Variants in HMGB1 observed in about 807,000 individuals in gnomAD.
HMGB1 encodes the protein high mobility group box 1.
For synonymous variants in HMGB1, 81 were observed against 84.0 expected, an observed-to-expected ratio of 0.96 and a Z score of 0.19; for missense variants, 79 against 253.5, an observed-to-expected ratio of 0.31 and a Z score of 4.67.
In HMGB1 at chr13:30,463,538, C is replaced by T. The variant is rs1428565872; in HGVS notation, c.143G>A (p.Arg48Lys). ...FSEFSKKCSE[R>K]WKTMSAKEKG... ...TGTTTTAAGCCCTCTTACCTTCCAC[C>T]TCTCTGAGCACTTCTTAGAAAACTC... The change falls in exon 2 of 5, where the codon AGG becomes AAG. Residue 48 changes from arginine to lysine, a missense_variant. Physicochemically the swap from Arg to Lys is conservative, Grantham distance 26. Transcript: ENST00000341423. The T allele has an allele frequency of 6.2e-7, 1 of 1,611,612 alleles. No individual in the cohort carries two copies. The highest frequency in any genetic ancestry group is 8.5e-7 in the Non-Finnish European group (1 of 1,179,210).
chr13:30,559,902 A>G lies in HMGB1; in HGVS notation c.-15+56769T>C, dbSNP rs187934494. Among the ~76,000 whole-genome samples the G allele has an allele frequency of 1.3e-5, 2 of 152,308 alleles. No individual in the cohort carries two copies. On this transcript the variant is annotated intron_variant, in intron 1 of 4. Transcript: ENST00000405805. This position sits in a 1 kb window ranked among gnomAD's most constrained non-coding sequence, Gnocchi z 6.6. ...ATGCATTCATTCACCAAAATCTCAT[A>G]TTCCCAAAAAGCAGGAAAGGTAGTA...
chr13:30,506,246 C>T (rs1466762728), intron 1 of HMGB1, among the ~76,000 whole-genome samples: 3 of 152,028 alleles, frequency 2.0e-5, no homozygotes, highest in Non-Finnish European at 2.9e-5. Flanking sequence ...GCAGGGGTGG[C>T]GTCTTGGGTG....
At chr13:30,590,233 C>G (rs1323900) in intron 1 of HMGB1, among the ~76,000 whole-genome samples, 70,705 of 151,896 alleles carry the variant, frequency 0.47, 18,813 homozygotes, top group African/African-American at 0.73. Context: ...AATATAGCTA[C>G]GACAACCGAG....
At position 30,588,915 on chromosome 13, in the gene HMGB1, TA is replaced by T. The variant is rs552073771; in HGVS notation, c.-15+27755del. Among the ~76,000 whole-genome samples the T allele has an allele frequency of 5.5e-3, 819 of 150,212 alleles. 6 individuals are homozygous for T. Among genetic ancestry groups the T allele is most frequent in the African/African-American group, 0.018 (718 of 40,962 alleles). On this transcript the variant is annotated intron_variant, in intron 1 of 4. Coordinates refer to the HMGB1 transcript ENST00000405805. Reference sequence around the variant, plus strand: ...CTGGGTGACAGAGCAAGCCTCTGTTTAAAAAAAAACGGTAAAAATAAATAAC... The same window carrying T: ...CTGGGTGACAGAGCAAGCCTCTGTTTAAAAAAAACGGTAAAAATAAATAAC...
At chr13:30,538,536 C>CCTTTCTTTCTTTCCTTT (rs1566018834) in intron 1 of HMGB1, among the ~76,000 whole-genome samples, 9 of 105,352 alleles carry the variant, frequency 8.5e-5, no homozygotes, top group Admixed American at 4.8e-4. Flanking sequence ...TTCTTTCTTT[C>CCTTTCTTTCTTTCCTTT]CTTTCTTTCT....
intron 1 of HMGB1, among the ~76,000 whole-genome samples, chr13:30,583,601 C>G (rs1871003821): frequency 6.7e-6 from 1 of 149,212 alleles, no homozygotes; most frequent in South Asian, 2.1e-4. Context: ...TTTGGGAGGC[C>G]AAGGCAGGCC....
At chr13:30,554,012 C>T (rs1869557010) in intron 1 of HMGB1, 1 of 1,481,938 alleles carries the variant, frequency 6.7e-7, no homozygotes, top group Admixed American at 1.7e-5. Flanking sequence ...TGCTGAACCG[C>T]ATTGTGGAGA....
chr13:30,505,459 T>C (rs950884758), intron 1 of HMGB1, among the ~76,000 whole-genome samples: 5 of 152,020 alleles, frequency 3.3e-5, no homozygotes, highest in Admixed American at 3.3e-4. Context: ...ATTACAGGTG[T>C]AAGCCACCGC....
intron 1 of HMGB1, among the ~76,000 whole-genome samples, chr13:30,539,242 T>G (rs11618202): frequency 0.058 from 8,878 of 152,286 alleles, 349 homozygotes; most frequent in Non-Finnish European, 0.08. Context: ...CCTGCCCGCC[T>G]CCGCTGAAAA....
chr13:30,594,696 G>A (rs553659058), intron 1 of HMGB1, among the ~76,000 whole-genome samples: 58 of 152,274 alleles, frequency 3.8e-4, no homozygotes, highest in Non-Finnish European at 6.0e-4. Context: ...ACATCTGAGC[G>A]CAGGTGTCTT....
At chr13:30,612,488 T>C (rs1395467816) in intron 1 of HMGB1, among the ~76,000 whole-genome samples, 1 of 152,218 alleles carries the variant, frequency 6.6e-6, no homozygotes, top group Non-Finnish European at 1.5e-5. Context: ...CTAAAGCATA[T>C]CTAACCTTCT....
intron 1 of HMGB1, among the ~76,000 whole-genome samples, chr13:30,516,482 T>C (rs1888104781): frequency 6.6e-6 from 1 of 152,236 alleles, no homozygotes; most frequent in African/African-American, 2.4e-5. Flanking sequence ...ATACCATATA[T>C]GTATTTGTGC....
intron 1 of HMGB1, among the ~76,000 whole-genome samples, chr13:30,473,829 A>G (rs911505245): frequency 1.4e-4 from 22 of 152,248 alleles, no homozygotes; most frequent in African/African-American, 5.1e-4. Context: ...CATTTGTAAC[A>G]GTCAAAAAGT....
chr13:30,588,000 T>A (rs1871223932), intron 1 of HMGB1, among the ~76,000 whole-genome samples: 1 of 152,210 alleles, frequency 6.6e-6, no homozygotes. Flanking sequence ...GTGAACAAAT[T>A]TATGAGCCAA....
intron 1 of HMGB1, among the ~76,000 whole-genome samples, chr13:30,616,017 T>C (rs187528842): frequency 1.1e-4 from 16 of 152,346 alleles, no homozygotes; most frequent in South Asian, 2.1e-4. Flanking sequence ...CCAGGATATG[T>C]AGAAAAAAGC....
intron 1 of HMGB1, among the ~76,000 whole-genome samples, chr13:30,590,580 T>G (rs1310691074): frequency 6.6e-6 from 1 of 152,210 alleles, no homozygotes; most frequent in Non-Finnish European, 1.5e-5. Context: ...AGAAGTCAGA[T>G]GTGAGCAAAG....
intron 1 of HMGB1, among the ~76,000 whole-genome samples, chr13:30,523,723 ATTTGTTTTTGTTGGGCCC>A (rs1888289672): frequency 7.0e-6 from 1 of 142,804 alleles, no homozygotes; most frequent in African/African-American, 2.6e-5. Flanking sequence ...TTCATTTGGC[ATTTGTTTTTGTTGGGCCC>A]TTTTTTTTTG....
In HMGB1 at chr13:30,477,928, TA is replaced by T. The variant is rs1222799085; in HGVS notation, c.-14-14235del. Among the ~76,000 whole-genome samples, 4 of 151,972 alleles carry T rather than the reference TA, an allele frequency of 2.6e-5. No individual in the cohort carries two copies. The East Asian group carries it at 7.7e-4, about 29-fold the overall frequency. On this transcript the variant is annotated intron_variant, in intron 1 of 4. Coordinates refer to the HMGB1 transcript ENST00000405805. The stretch of plus-strand genomic sequence containing the variant: ...ACTGCTAACCCATACCTGAAGGTGT[TA>T]AAGAAAAAAAAAATCAACAACAAAA...
At chr13:30,513,630 T>G (rs528363688) in intron 1 of HMGB1, among the ~76,000 whole-genome samples, 1 of 152,246 alleles carries the variant, frequency 6.6e-6, no homozygotes, top group African/African-American at 2.4e-5. Flanking sequence ...AAGTTTCTAC[T>G]GGTCATCTCT....
Sources: allele counts gnomAD v4.1 joint callset (sites outside exome capture counted in the v4.1 genomes callset), GRCh38; gene constraint gnomAD v4.1.1; non-coding constraint Gnocchi (gnomAD v3.1); transcripts MANE v1.5; gene names NCBI Gene and HGNC (gene_info 2026-07-23, HGNC 2026-07-21).